The following GABRA5 variants were observed in gnomAD, a reference collection of about 807,000 sequenced individuals.
GABRA5 encodes the protein gamma-aminobutyric acid type A receptor subunit alpha5, also known as gamma-aminobutyric acid receptor subunit alpha-5.
In GABRA5, 18 loss-of-function variants were observed where a neutral mutation model predicts 47.3. The observed-to-expected ratio is 0.38, with a 90% CI of 0.26 to 0.56. GABRA5 has a LOEUF of 0.56. Ranked by LOEUF, GABRA5 falls within the 20% of genes least tolerant of loss-of-function variation. The probability of loss-of-function intolerance (pLI) is 0.71; values close to 1 mark genes in which losing one functional copy is unlikely to be tolerated. For synonymous variants in GABRA5, 237 were observed against 229.3 expected (o/e 1.03, Z -0.30); for missense variants, 365 against 599.3 (o/e 0.61, Z 4.08).
intron 3 of GABRA5, chr15:26,877,806 A>G (rs1367896059): frequency 2.6e-6 from 1 of 379,140 alleles, no homozygotes; most frequent in African/African-American, 2.1e-5. Flanking sequence ...AAGAGAACCT[A>G]GTGAATTAAC....
At chr15:26,909,139 G>A (rs140246453) in intron 6 of GABRA5, among the ~76,000 whole-genome samples, 1 of 152,240 alleles carries the variant, frequency 6.6e-6, no homozygotes, top group African/African-American at 2.4e-5. Flanking sequence ...GCTTCTCTAG[G>A]GGACAATCTG....
At chr15:26,882,190 G>C (rs542103439) in intron 4 of GABRA5, among the ~76,000 whole-genome samples, 1 of 152,152 alleles carries the variant, frequency 6.6e-6, no homozygotes. Context: ...CTAAGCTGCT[G>C]TCAGTGCTTG....
At chr15:26,936,959 G>C (rs1270064368) in intron 7 of GABRA5, among the ~76,000 whole-genome samples, 1 of 152,168 alleles carries the variant, frequency 6.6e-6, no homozygotes, top group East Asian at 1.9e-4. Context: ...AGTGTACCGG[G>C]AAGTGCCAGA....
chr15:26,891,741 T>TAGTGCGC (rs377726214), intron 6 of GABRA5, among the ~76,000 whole-genome samples: 22 of 152,280 alleles, frequency 1.4e-4, no homozygotes, highest in African/African-American at 5.1e-4. Flanking sequence ...AGGTCCTCCC[T>TAGTGCGC]AGTGCGCAGC....
chr15:26,924,901 A>C (rs2140303177), intron 7 of GABRA5, among the ~76,000 whole-genome samples: 1 of 152,240 alleles, frequency 6.6e-6, no homozygotes, highest in Admixed American at 6.5e-5. Context: ...ACAGGAAGAA[A>C]ACCAGACAGT....
chr15:26,930,006 CTTTTTTT>C (rs72082419), intron 7 of GABRA5, among the ~76,000 whole-genome samples: 5 of 113,386 alleles, frequency 4.4e-5, no homozygotes, highest in Admixed American at 2.7e-4. Context: ...TCTTCTTCTT[CTTTTTTT>C]TTTTTTTTTG....
Position 26,869,464 on chromosome 15 carries a change from G to A in GABRA5, c.86+130G>A, listed in dbSNP as rs1892409380. ...CATTGCAGTCCCAAGCCCTTCACTT[G>A]TTGTAAATAAATGAAGTCATTGCCC... is the stretch of plus-strand genomic sequence containing the variant. On this transcript the variant is annotated intron_variant, in intron 3 of 10. Coordinates refer to ENST00000335625, the MANE Select transcript of GABRA5 (RefSeq NM_000810.4). 1.1e-5 allele frequency: 7 copies of A among 655,186 alleles called. No individual in the cohort carries two copies. In the Admixed American group the frequency reaches 1.6e-4, roughly 15 times the overall value. 40.6% of individuals were successfully genotyped at this position (655,186 alleles called of 1,614,324 possible).
At chr15:26,900,912 T>C (rs1447286003) in intron 6 of GABRA5, among the ~76,000 whole-genome samples, 3 of 152,162 alleles carry the variant, frequency 2.0e-5, no homozygotes, top group Non-Finnish European at 4.4e-5. Context: ...ACTTCTTTTA[T>C]AGTTTTGCCT....
chr15:26,871,062 C>T (rs28472282), intron 3 of GABRA5, among the ~76,000 whole-genome samples: 92,465 of 151,960 alleles, frequency 0.61, 28,640 homozygotes, highest in African/African-American at 0.74. Context: ...GGCCTGGTGG[C>T]ACATGCCTGT....
At chr15:26,918,476 G>A (rs1309150110) in intron 7 of GABRA5, among the ~76,000 whole-genome samples, 1 of 152,064 alleles carries the variant, frequency 6.6e-6, no homozygotes, top group Non-Finnish European at 1.5e-5. Flanking sequence ...TGTATGTCTG[G>A]TGTTGTTCCA....
intron 6 of GABRA5, among the ~76,000 whole-genome samples, chr15:26,901,347 G>A (rs992780884): frequency 2.6e-5 from 4 of 152,132 alleles, no homozygotes; most frequent in Non-Finnish European, 5.9e-5. Context: ...CTGGATTTCG[G>A]CCATTTTAGG....
intron 10 of GABRA5, among the ~76,000 whole-genome samples, chr15:26,946,620 A>G (rs1329071075): frequency 6.6e-6 from 1 of 152,142 alleles, no homozygotes; most frequent in African/African-American, 2.4e-5. Flanking sequence ...GTGGACAAAT[A>G]TGGACATTGT....
At chr15:26,887,297 T>C (rs1595400467) in intron 6 of GABRA5, among the ~76,000 whole-genome samples, 1 of 152,282 alleles carries the variant, frequency 6.6e-6, no homozygotes, top group South Asian at 2.1e-4. Context: ...AATATGAAAG[T>C]GTAGAACAAA....
rs553585714 is a variant in GABRA5 at position 26,869,399 on chromosome 15, C to T, written c.86+65C>T. The T allele has an allele frequency of 5.3e-5, 51 of 964,934 alleles. 1 individual carries two copies. In the East Asian group the frequency reaches 8.4e-4, roughly 16 times the overall value. The allele number at this position is 964,934 out of a possible 1,614,324, so 59.8% of individuals were successfully genotyped here. A position where few individuals can be genotyped will look rare whatever the true frequency, so the allele number is the denominator to read the frequency against. On this transcript the variant is annotated intron_variant, in intron 3 of 10. Transcript: ENST00000335625. ...ACACTGGTGCCTTTCAGACATGTTA[C>T]GGGAGCAGCACATCCATTGAGCAAG...
At chr15:26,879,455 A>G (rs964752263) in intron 3 of GABRA5, among the ~76,000 whole-genome samples, 1 of 152,252 alleles carries the variant, frequency 6.6e-6, no homozygotes, top group Non-Finnish European at 1.5e-5. Context: ...GTTTTTAAAT[A>G]TGAAATCACA....
intron 7 of GABRA5, 36 bp from the exon 8 acceptor site, chr15:26,937,149 C>T (rs772345251): frequency 3.7e-6 from 6 of 1,611,626 alleles, no homozygotes; most frequent in Non-Finnish European, 5.1e-6. Context: ...GGAATGATTT[C>T]ATGTTTATGT....
At chr15:26,881,069 C>A in intron 4 of GABRA5, 102 bp downstream of exon 4, 3 of 1,327,866 alleles carry the variant, frequency 2.3e-6, no homozygotes, top group Admixed American at 2.8e-5. Flanking sequence ...CCTAAAAGAG[C>A]TTCCCTGCCA....
At chr15:26,941,035 T>C (rs1566887923) in intron 9 of GABRA5, among the ~76,000 whole-genome samples, 1 of 152,192 alleles carries the variant, frequency 6.6e-6, no homozygotes, top group Non-Finnish European at 1.5e-5. Context: ...ATCTTAATGC[T>C]CCCCCAGGGT....
intron 6 of GABRA5, among the ~76,000 whole-genome samples, chr15:26,893,155 CGTGTGTGGG>C (rs1566870154): frequency 1.1e-5 from 1 of 91,484 alleles, no homozygotes; most frequent in Non-Finnish European, 2.3e-5. Context: ...TGGTGTGTGG[CGTGTGTGGG>C]GTGTGTATGT....
Sources: allele counts gnomAD v4.1 joint callset (sites outside exome capture counted in the v4.1 genomes callset), GRCh38; gene constraint gnomAD v4.1.1; transcripts MANE v1.5; gene names NCBI Gene and HGNC (gene_info 2026-07-23, HGNC 2026-07-21).